The following RIMKLB variants were observed in gnomAD, a reference collection of about 807,000 sequenced individuals.
RIMKLB encodes the protein beta-citrylglutamate synthase B.
In RIMKLB, 7 loss-of-function variants were observed where a neutral mutation model predicts 32.0. The ratio of observed to expected loss-of-function variants is 0.22; its 90% CI spans 0.12 to 0.41. The LOEUF (loss-of-function observed/expected upper bound fraction) is 0.41. RIMKLB is among the 10% of genes least tolerant of loss of function. The pLI is 1.00. For missense variants in RIMKLB, 289 were observed against 498.7 expected, an observed-to-expected ratio of 0.58 and a Z score of 4.00; for synonymous variants, 172 against 185.1, an observed-to-expected ratio of 0.93 and a Z score of 0.57.
downstream of RIMKLB, among the ~76,000 whole-genome samples, chr12:8,778,745 A>G (rs1397898504): frequency 6.6e-6 from 1 of 152,212 alleles, no homozygotes; most frequent in Non-Finnish European, 1.5e-5. Context: ...TCTTTCTAAT[A>G]GGTAGAATTT....
intron 1 of RIMKLB, among the ~76,000 whole-genome samples, chr12:8,710,013 G>C (rs767959121): frequency 1.0e-3 from 157 of 152,220 alleles, no homozygotes; most frequent in African/African-American, 3.6e-3. Context: ...TTTTGAGATG[G>C]AGTCTTGCTG....
intron 2 of RIMKLB, among the ~76,000 whole-genome samples, chr12:8,735,973 G>A (rs1316153524): frequency 1.3e-5 from 2 of 151,998 alleles, no homozygotes; most frequent in Non-Finnish European, 2.9e-5. Flanking sequence ...CAGGTGATCT[G>A]CCTGCCTCAG....
chr12:8,728,014 C>A (rs1256473247), intron 2 of RIMKLB, among the ~76,000 whole-genome samples: 2 of 152,096 alleles, frequency 1.3e-5, no homozygotes, highest in Non-Finnish European at 2.9e-5. Flanking sequence ...CTTTTGGTAT[C>A]CATAGGTTCT....
intron 5 of RIMKLB, among the ~76,000 whole-genome samples, chr12:8,760,844 C>G (rs189916178): frequency 6.6e-6 from 1 of 152,148 alleles, no homozygotes; most frequent in Admixed American, 6.5e-5. Context: ...GATGTTAGCC[C>G]TTTGTCAGAT....
chr12:8,683,811 G>A (rs1458797449), intron 1 of RIMKLB, among the ~76,000 whole-genome samples: 1 of 151,898 alleles, frequency 6.6e-6, no homozygotes, highest in South Asian at 2.1e-4. Flanking sequence ...GTGGTGGCAC[G>A]ATCTCGGCTC....
chr12:8,767,258 C>T (rs1950046022), intron 5 of RIMKLB, among the ~76,000 whole-genome samples: 1 of 152,196 alleles, frequency 6.6e-6, no homozygotes, highest in African/African-American at 2.4e-5. Context: ...TTTCTCTTTT[C>T]TCCTAGCCCT....
intron 2 of RIMKLB, among the ~76,000 whole-genome samples, chr12:8,714,342 G>A (rs964910475): frequency 6.6e-6 from 1 of 152,130 alleles, no homozygotes; most frequent in African/African-American, 2.4e-5. Context: ...CCACAAGTTC[G>A]AGTCCAGCCT....
chr12:8,671,268 T>A, the RIMKLB span, among the ~76,000 whole-genome samples: 2 of 151,908 alleles, frequency 1.3e-5, no homozygotes, highest in African/African-American at 2.4e-5. Flanking sequence ...TTTTTTTTTT[T>A]ATATGGAATT....
Position 8,749,925 on chromosome 12 carries a change from C to T in RIMKLB, c.239C>T (p.Thr80Ile). 6.2e-7 allele frequency: 1 copy of T among 1,613,758 alleles called. No homozygotes were observed. The highest frequency in any genetic ancestry group is 8.5e-7 in the Non-Finnish European group (1 of 1,179,730). ...CAAGTGGTGGTAGTCAGAGTACCAA[C>T]CCCTTGGGTGCAAAGTGATAGTGAC... ...YPQVVVVRVPTPWVQSDSDIT... is the reference protein window; with the variant it reads ...YPQVVVVRVPIPWVQSDSDIT... The change falls in exon 3 of 6, where the codon ACC becomes ATC. Residue 80 changes from threonine (T) to isoleucine (I), a missense_variant. Around this residue, in one of 3 missense-constraint regions of RIMKLB, gnomAD observed 156 missense variants for 329.5 expected, o/e 0.47. Coordinates refer to ENST00000535829, the MANE Select transcript of RIMKLB (RefSeq NM_001297776.2).
intron 1 of RIMKLB, among the ~76,000 whole-genome samples, chr12:8,704,284 G>T (rs1943656882): frequency 6.6e-6 from 1 of 151,996 alleles, no homozygotes; most frequent in Admixed American, 6.6e-5. Context: ...TCAGGAGGCT[G>T]AGGTGGGAGA....
Position 8,776,036 on chromosome 12 carries a change from T to C in RIMKLB, c.*2252T>C. 1.0e-6 allele frequency: 1 copy of C among 984,228 alleles called. No individual in the cohort carries two copies. The highest frequency in any genetic ancestry group is 1.2e-6 in the Non-Finnish European group (1 of 828,812). The allele number at this position is 984,228 out of a possible 1,614,324, so 61.0% of individuals were successfully genotyped here. On this transcript the variant is annotated 3_prime_UTR_variant, in exon 6 of 6. Coordinates refer to ENST00000535829, the MANE Select transcript of RIMKLB (RefSeq NM_001297776.2). ...CTGCTTAATTAAATTATCATTCATA[T>C]GTTCATATAGAGACCATCTGGTTGC...
intron 1 of RIMKLB, among the ~76,000 whole-genome samples, chr12:8,702,492 T>G (rs1370203662): frequency 6.6e-6 from 1 of 152,236 alleles, no homozygotes; most frequent in African/African-American, 2.4e-5. Flanking sequence ...CTTCTTACAT[T>G]TCTTTTTTTT....
intron 5 of RIMKLB, among the ~76,000 whole-genome samples, chr12:8,757,123 C>T (rs1286916465): frequency 6.6e-6 from 1 of 152,134 alleles, no homozygotes; most frequent in East Asian, 1.9e-4. Context: ...GTCACTTTTA[C>T]TTTACTACAT....
chr12:8,770,934 AAGAAC>A (rs1950349542), intron 5 of RIMKLB, among the ~76,000 whole-genome samples: 1 of 152,226 alleles, frequency 6.6e-6, no homozygotes, highest in Non-Finnish European at 1.5e-5. Flanking sequence ...ACAGAACTCA[AAGAAC>A]ACTTACATTG....
chr12:8,708,706 T>C (rs1263279222), intron 1 of RIMKLB, among the ~76,000 whole-genome samples: 1 of 152,230 alleles, frequency 6.6e-6, no homozygotes, highest in African/African-American at 2.4e-5. Flanking sequence ...AGAAAAAATT[T>C]AGGAAATCTT....
chr12:8,733,191 C>T (rs1340447643), intron 2 of RIMKLB, among the ~76,000 whole-genome samples: 3 of 151,596 alleles, frequency 2.0e-5, no homozygotes, highest in African/African-American at 7.3e-5. Flanking sequence ...TGCTAAATAT[C>T]TCGTAAGGCA....
At chr12:8,733,858 G>A (rs1946762256) in intron 2 of RIMKLB, among the ~76,000 whole-genome samples, 1 of 152,188 alleles carries the variant, frequency 6.6e-6, no homozygotes, top group South Asian at 2.1e-4. Context: ...TAGCCTGGGT[G>A]ACACAGTGAG....
chr12:8,710,562 T>C (rs1201966754), intron 1 of RIMKLB, among the ~76,000 whole-genome samples: 1 of 152,104 alleles, frequency 6.6e-6, no homozygotes, highest in Admixed American at 6.5e-5. Flanking sequence ...CACCTTGGCC[T>C]TCCAAAGTTC....
At chr12:8,782,373 G>A (rs942854614) in intron 7 of RIMKLB, among the ~76,000 whole-genome samples, 1 of 151,662 alleles carries the variant, frequency 6.6e-6, no homozygotes, top group Admixed American at 6.6e-5. Context: ...TTGCTAAGGA[G>A]TAATAGTACG....
Sources: gnomAD v4.1 joint callset for allele counts (sites outside exome capture counted in the v4.1 genomes callset) on GRCh38, gnomAD v4.1.1 for gene constraint, gnomAD v4.1.1 regional missense constraint, MANE v1.5 for transcripts, NCBI Gene and HGNC (gene_info 2026-07-23, HGNC 2026-07-21) for gene names.